Variants in ADAMTSL3 observed in about 807,000 individuals in gnomAD.
The protein encoded by ADAMTSL3 is ADAMTS-like protein 3.
A neutral mutation model predicts 201.7 loss-of-function variants in ADAMTSL3; 128 were observed. That is an observed-to-expected ratio of 0.63 (90% CI 0.55 to 0.73). The LOEUF is 0.73. Ranked by LOEUF, ADAMTSL3 falls within the 30% of genes least tolerant of loss-of-function variation. The pLI, the probability that ADAMTSL3 is intolerant of heterozygous loss-of-function variation, is 0.00. For missense variants in ADAMTSL3, 1,990 were observed against 2,119.6 expected (o/e 0.94, Z 1.20); for synonymous variants, 738 against 748.4 (o/e 0.99, Z 0.23).
intron 2 of ADAMTSL3, among the ~76,000 whole-genome samples, chr15:83,702,185 TG>T (rs1291323906): frequency 1.3e-5 from 2 of 152,088 alleles, no homozygotes; most frequent in African/African-American, 4.8e-5. Flanking sequence ...GGGTACCCGG[TG>T]GAAGAAATTT....
rs1567169788 is a variant in ADAMTSL3 at position 83,823,952 on chromosome 15, CTTCTTCTTCTTCTTCTTCTT to C, written c.600+3906_600+3925del. Among the ~76,000 whole-genome samples, 202 of 92,742 alleles carry C rather than the reference CTTCTTCTTCTTCTTCTTCTT, an allele frequency of 2.2e-3. 6 individuals carry two copies. Among genetic ancestry groups the C allele is most frequent in the East Asian group, 0.018 (48 of 2,626 alleles). 60.8% of individuals were successfully genotyped at this position (92,742 alleles called of 152,430 possible). ...TCTTCTTCTTCTTCTTCTTCTTCTT[CTTCTTCTTCTTCTTCTTCTT>C]CTCCTCCTCCTCCTCCTCCTTCTCC... On this transcript the variant is annotated intron_variant, in intron 6 of 29. Transcript: ENST00000286744.
At chr15:83,976,242 A>G (rs1818639118) in intron 20 of ADAMTSL3, among the ~76,000 whole-genome samples, 1 of 152,058 alleles carries the variant, frequency 6.6e-6, no homozygotes, top group Non-Finnish European at 1.5e-5. Flanking sequence ...CCAGCTACCA[A>G]TGTGATGTCA....
intron 2 of ADAMTSL3, among the ~76,000 whole-genome samples, chr15:83,692,618 A>G (rs563586951): frequency 1.3e-3 from 186 of 148,394 alleles, no homozygotes; most frequent in African/African-American, 4.5e-3. Context: ...CCTGAGAGGC[A>G]GAGTTTGCAG....
chr15:83,741,602 CTG>C (rs1252141851), intron 3 of ADAMTSL3, among the ~76,000 whole-genome samples: 1 of 152,050 alleles, frequency 6.6e-6, no homozygotes, highest in African/African-American at 2.4e-5. Context: ...GGATACAAAA[CTG>C]TAATTATTTG....
At chr15:83,997,702 C>CT (rs1026969593) in intron 23 of ADAMTSL3, among the ~76,000 whole-genome samples, 2 of 151,948 alleles carry the variant, frequency 1.3e-5, no homozygotes, top group Non-Finnish European at 2.9e-5. Flanking sequence ...GGAGAATGGA[C>CT]TTTTTTTTGA....
chr15:83,672,180 G>T (rs2061337524), intron 2 of ADAMTSL3, among the ~76,000 whole-genome samples: 3 of 152,164 alleles, frequency 2.0e-5, no homozygotes, highest in African/African-American at 7.2e-5. Flanking sequence ...AATTCTGAGG[G>T]TTGGTATAGC....
chr15:83,939,840 T>C (rs2066524031), intron 17 of ADAMTSL3, among the ~76,000 whole-genome samples: 1 of 152,144 alleles, frequency 6.6e-6, no homozygotes, highest in South Asian at 2.1e-4. Flanking sequence ...CAGGCTGGTC[T>C]TGAACTCCTG....
rs563480756 is a variant in ADAMTSL3 at position 84,036,841 on chromosome 15, C to T, written c.4823C>T (p.Pro1608Leu). ...DVCWHTGPWK[P>L]CTAACGRGFQ... is the part of the protein sequence containing the mutation. The stretch of plus-strand genomic sequence containing the variant: ...TGTTGGCACACAGGCCCTTGGAAGC[C>T]CTGTACAGCAGCCTGTGGCAGGGGT... The change falls in exon 29 of 30, where the codon CCC becomes CTC. Residue 1608 changes from proline (P) to leucine (L), a missense_variant. Coordinates refer to ENST00000286744, the MANE Select transcript of ADAMTSL3 (RefSeq NM_207517.3). 1 of 1,614,014 alleles carries T rather than the reference C, an allele frequency of 6.2e-7. No individual in the cohort carries two copies. Among genetic ancestry groups the T allele is most frequent in the South Asian group, 1.1e-5 (1 of 91,066 alleles).
At chr15:83,795,899 A>G (rs1009616066) in intron 4 of ADAMTSL3, among the ~76,000 whole-genome samples, 3 of 152,156 alleles carry the variant, frequency 2.0e-5, no homozygotes, top group African/African-American at 7.2e-5. Flanking sequence ...TTGCAATCCT[A>G]AAATATGTAA....
At chr15:83,777,972 C>T (rs901176974) in intron 4 of ADAMTSL3, among the ~76,000 whole-genome samples, 1 of 152,078 alleles carries the variant, frequency 6.6e-6, no homozygotes, top group African/African-American at 2.4e-5. Context: ...TTTCGTAATG[C>T]AATCACAAGT....
At position 83,771,466 on chromosome 15, in the gene ADAMTSL3, G is replaced by A. The variant is rs371673333; in HGVS notation, c.190-2057G>A. ...CATTTCCTTATCACCCCAGTCCCTGGCAACCACTATTGTACTTTCTGCTTC... is the reference window on the plus strand; with the variant it reads ...CATTTCCTTATCACCCCAGTCCCTGACAACCACTATTGTACTTTCTGCTTC... On this transcript the variant is annotated intron_variant, in intron 3 of 29. Coordinates refer to ENST00000286744, the MANE Select transcript of ADAMTSL3 (RefSeq NM_207517.3). 6.8e-4 allele frequency among the ~76,000 whole-genome samples: 104 copies of A among 152,190 alleles called. 1 individual carries two copies. In the South Asian group the frequency reaches 0.021, roughly 31 times the overall value.
At chr15:83,997,697 A>G (rs990480275) in intron 23 of ADAMTSL3, among the ~76,000 whole-genome samples, 4 of 152,360 alleles carry the variant, frequency 2.6e-5, no homozygotes, top group South Asian at 4.1e-4. Context: ...ATTTTGGAGA[A>G]TGGACTTTTT....
chr15:83,728,460 A>G (rs567608594), intron 3 of ADAMTSL3, among the ~76,000 whole-genome samples: 31 of 144,728 alleles, frequency 2.1e-4, no homozygotes, highest in Non-Finnish European at 4.3e-4. Context: ...AGTGAGGGTG[A>G]TTTTCTCTGG....
At chr15:83,830,155 G>A (rs550341252) in intron 6 of ADAMTSL3, among the ~76,000 whole-genome samples, 2 of 152,224 alleles carry the variant, frequency 1.3e-5, no homozygotes, top group Non-Finnish European at 2.9e-5. Flanking sequence ...GTGAGAACAG[G>A]GGGCATGGGG....
intron 3 of ADAMTSL3, among the ~76,000 whole-genome samples, chr15:83,762,692 A>G (rs770822275): frequency 2.0e-5 from 3 of 152,176 alleles, no homozygotes; most frequent in Non-Finnish European, 4.4e-5. Context: ...TCTTAATACT[A>G]TCACATTGGT....
chr15:84,036,703 T>C, intron 28 of ADAMTSL3, 70 bp from the exon 29 acceptor site: 1 of 1,266,364 alleles, frequency 7.9e-7, no homozygotes, highest in Admixed American at 2.4e-5. Flanking sequence ...AAAGGCTTGG[T>C]CCCAGCAAAA....
intron 2 of ADAMTSL3, among the ~76,000 whole-genome samples, chr15:83,688,713 C>CA (rs994182138): frequency 2.0e-5 from 3 of 148,052 alleles, no homozygotes; most frequent in Admixed American, 1.3e-4. Flanking sequence ...CTCATTGATA[C>CA]AAAAAAAACT....
chr15:83,874,663 G>T (rs538243226), intron 9 of ADAMTSL3, among the ~76,000 whole-genome samples: 1 of 143,654 alleles, frequency 7.0e-6, no homozygotes, highest in African/African-American at 2.7e-5. Context: ...TAGATGCAGA[G>T]CTCTAAAGCC....
At chr15:83,730,263 G>T (rs1209230085) in intron 3 of ADAMTSL3, among the ~76,000 whole-genome samples, 2 of 152,122 alleles carry the variant, frequency 1.3e-5, no homozygotes, top group African/African-American at 4.8e-5. Context: ...GAAGGCACTG[G>T]ATCACTCAAG....
Sources: gnomAD v4.1 joint callset for allele counts (sites outside exome capture counted in the v4.1 genomes callset) on GRCh38, gnomAD v4.1.1 for gene constraint, MANE v1.5 for transcripts, NCBI Gene and HGNC (gene_info 2026-07-23, HGNC 2026-07-21) for gene names.